The following CRBN variants were observed in gnomAD, a reference collection of about 807,000 sequenced individuals.
CRBN encodes cereblon.
CRBN carries 53 observed loss-of-function variants against 62.2 expected under a neutral mutation model. The ratio of observed to expected loss-of-function variants is 0.85; its 90% CI spans 0.68 to 1.07. The LOEUF is 1.07. Ranked by LOEUF, CRBN falls within the 50% of genes least tolerant of loss-of-function variation. The pLI, the probability that CRBN is intolerant of heterozygous loss-of-function variation, is 0.00. For missense variants in CRBN, 616 were observed against 531.1 expected (o/e 1.16, Z -1.57); for synonymous variants, 208 against 176.1 (o/e 1.18, Z -1.43).
chr3:3,152,681 G>A (rs1025385189), intron 9 of CRBN, 94 bp from the exon 10 acceptor site: 9 of 1,436,268 alleles, frequency 6.3e-6, no homozygotes, highest in African/African-American at 4.2e-5. Context: ...CAAGAAATGA[G>A]GTATGAGCTA....
intron 6 of CRBN, 170 bp downstream of exon 6, chr3:3,156,049 C>T (rs1270626988): frequency 3.2e-6 from 2 of 622,498 alleles, no homozygotes; most frequent in East Asian, 5.9e-5. Context: ...AGCAATCCCC[C>T]TGCCTTGGCC....
chr3:3,157,007 G>A (rs1321740802), intron 5 of CRBN, among the ~76,000 whole-genome samples: 1 of 152,192 alleles, frequency 6.6e-6, no homozygotes, highest in Non-Finnish European at 1.5e-5. Context: ...ACTCAATACT[G>A]TTAAGATGTC....
chr3:3,172,694 G>T, intron 4 of CRBN, 82 bp downstream of exon 4: 2 of 1,395,904 alleles, frequency 1.4e-6, no homozygotes, highest in African/African-American at 1.4e-5. Context: ...AAATATGAAG[G>T]CTCAGTAGAA....
Position 3,172,806 on chromosome 3 carries a change from T to A in CRBN, c.497A>T (p.Lys166Ile). The A allele has an allele frequency of 6.2e-7, 1 of 1,614,094 alleles. No homozygotes were observed. Among genetic ancestry groups the A allele is most frequent in the Non-Finnish European group, 8.5e-7 (1 of 1,179,948 alleles). Residue 166 changes from lysine (K) to isoleucine (I), a missense_variant, in exon 4 of 11, where the codon AAA (lysine) becomes ATA (isoleucine). Coordinates refer to ENST00000231948, the MANE Select transcript of CRBN (RefSeq NM_016302.4). ...TGACTGTGTTCTTAGCTCAAGGACT[T>A]TGAACCTTTGTCTTCCAATTGCTTT... ...KVKAIGRQRFKVLELRTQSDG... is the reference protein window; with the variant it reads ...KVKAIGRQRFIVLELRTQSDG...
Position 3,150,896 on chromosome 3 carries a change from A to ATTTCAT in CRBN, c.1292_1297dup (p.Glu432_Ile433insAsnGlu). 1 of 1,613,876 alleles carries ATTTCAT rather than the reference A, an allele frequency of 6.2e-7. No individual in the cohort carries two copies. The highest frequency in any genetic ancestry group is 8.5e-7 in the Non-Finnish European group (1 of 1,179,898). ...GCAAAGTATTACTTTGTCTGGACTT[A>ATTTCAT]TTTCATCTTCAGTGTCTGGGATCGT... is the stretch of plus-strand genomic sequence containing the variant. On this transcript the variant is annotated inframe_insertion, in exon 11 of 11. Transcript: ENST00000231948.
chr3:3,152,088 A>C (rs1409770875), intron 10 of CRBN, among the ~76,000 whole-genome samples: 1 of 152,168 alleles, frequency 6.6e-6, no homozygotes, highest in Non-Finnish European at 1.5e-5. Flanking sequence ...TTCAATGATA[A>C]AAGATACAAA....
At chr3:3,170,165 G>C (rs1012978152) in intron 4 of CRBN, among the ~76,000 whole-genome samples, 3 of 152,048 alleles carry the variant, frequency 2.0e-5, no homozygotes, top group African/African-American at 7.2e-5. Context: ...ATTTTTAGTA[G>C]TGATGCAGCT....
intron 7 of CRBN, chr3:3,154,321 G>A: frequency 3.9e-6 from 2 of 512,398 alleles, no homozygotes; most frequent in Non-Finnish European, 7.0e-6. Flanking sequence ...TCAAATCCAT[G>A]TTAGAAGTTA....
intron 1 of CRBN, among the ~76,000 whole-genome samples, chr3:3,177,234 C>T (rs1048056938): frequency 6.6e-6 from 1 of 152,214 alleles, no homozygotes; most frequent in Non-Finnish European, 1.5e-5. Flanking sequence ...CCCAAATAAA[C>T]TTCTAAATCG....
chr3:3,167,268 T>A (rs1295825563), intron 5 of CRBN, among the ~76,000 whole-genome samples: 1 of 152,172 alleles, frequency 6.6e-6, no homozygotes, highest in Non-Finnish European at 1.5e-5. Context: ...TCTCTACTAC[T>A]ACTCTACCCC....
At position 3,175,232 on chromosome 3, in the gene CRBN, G is replaced by C. The variant is rs1463720950; in HGVS notation, c.105C>G (p.Asp35Glu). Residue 35 changes from aspartate (D) to glutamate (E), a missense_variant, in exon 2 of 11, where the codon GAC becomes GAG. Coordinates refer to ENST00000231948, the MANE Select transcript of CRBN (RefSeq NM_016302.4). ...SEEEDEMEVE[D>E]QDSKEAKKPN... ...GTTTTTTGGCTTCTTTACTATCCTGGTCTTCAACTTCCATTTCATCTTCTT... is the reference window on the plus strand; with the variant it reads ...GTTTTTTGGCTTCTTTACTATCCTGCTCTTCAACTTCCATTTCATCTTCTT... The C allele has an allele frequency of 3.1e-6, 5 of 1,612,738 alleles. No individual in the cohort carries two copies. Among genetic ancestry groups the C allele is most frequent in the Non-Finnish European group, 4.2e-6 (5 of 1,179,394 alleles).
chr3:3,166,935 TAA>T (rs3840224), intron 5 of CRBN, among the ~76,000 whole-genome samples: 2 of 147,566 alleles, frequency 1.4e-5, no homozygotes, highest in Admixed American at 6.7e-5. Context: ...CTTTCCATAT[TAA>T]AAAAAAAAAC....
chr3:3,156,099 TAAC>T (rs764160307), intron 6 of CRBN, 117 bp downstream of exon 6: 5 of 869,444 alleles, frequency 5.8e-6, no homozygotes, highest in Non-Finnish European at 9.5e-6. Context: ...CCACCACTCT[TAAC>T]GATATCTTAA....
intron 10 of CRBN, among the ~76,000 whole-genome samples, chr3:3,151,998 G>C (rs1284327795): frequency 6.6e-6 from 1 of 152,112 alleles, no homozygotes; most frequent in Non-Finnish European, 1.5e-5. Context: ...TTACATGACT[G>C]ACAGAAAAAA....
chr3:3,179,530 C>A, intron 1 of CRBN, 91 bp downstream of exon 1: 2 of 1,309,038 alleles, frequency 1.5e-6, no homozygotes, highest in Non-Finnish European at 2.2e-6. Context: ...GGCTTGGCGC[C>A]CCCACGCCCG....
chr3:3,161,034 A>G (rs1707119629), intron 5 of CRBN, among the ~76,000 whole-genome samples: 1 of 152,224 alleles, frequency 6.6e-6, no homozygotes, highest in African/African-American at 2.4e-5. Flanking sequence ...TATCCAAAGA[A>G]AACATGAGAC....
intron 4 of CRBN, chr3:3,172,292 T>A (rs541227970): frequency 1.3e-5 from 2 of 157,508 alleles, no homozygotes; most frequent in Admixed American, 6.2e-5. Flanking sequence ...GCTGGAGCAG[T>A]AGGCAGATGT....
At chr3:3,176,092 C>G (rs1575102683) in intron 1 of CRBN, among the ~76,000 whole-genome samples, 1 of 152,270 alleles carries the variant, frequency 6.6e-6, no homozygotes, top group South Asian at 2.1e-4. Flanking sequence ...GCCTCCACTT[C>G]AGGGGTGATG....
At chr3:3,159,685 T>C (rs1486777713) in intron 5 of CRBN, among the ~76,000 whole-genome samples, 3 of 152,178 alleles carry the variant, frequency 2.0e-5, no homozygotes, top group Non-Finnish European at 4.4e-5. Flanking sequence ...CAGATTCAAA[T>C]ATGCATAATA....
Sources: allele counts gnomAD v4.1 joint callset (sites outside exome capture counted in the v4.1 genomes callset), GRCh38; gene constraint gnomAD v4.1.1; transcripts MANE v1.5; gene names NCBI Gene and HGNC (gene_info 2026-07-23, HGNC 2026-07-21).